CNTNAP2: variants seen among roughly 807,000 people sequenced by gnomAD.
The protein encoded by CNTNAP2 is contactin-associated protein-like 2.
Under a neutral mutation model 155.2 loss-of-function variants are expected in CNTNAP2, and 98 were observed. The observed-to-expected ratio is 0.63, with a 90% CI of 0.54 to 0.75. The LOEUF is 0.75. Among genes scored for constraint, CNTNAP2 ranks in the 30% least tolerant of loss-of-function variants. CNTNAP2 has a pLI of 0.00. For missense variants in CNTNAP2, 1,727 were observed against 1,688.1 expected (o/e 1.02, Z -0.40); for synonymous variants, 651 against 631.2 (o/e 1.03, Z -0.47).
At chr7:147,614,148 G>T in intron 12 of CNTNAP2, among the ~76,000 whole-genome samples, 1 of 152,048 alleles carries the variant, frequency 6.6e-6, no homozygotes, top group Non-Finnish European at 1.5e-5. Context: ...ATTCTTGATA[G>T]GCCAATTGTC....
rs150802257 is a variant in CNTNAP2 at position 146,984,639 on chromosome 7, C to T, written c.403-59268C>T. Among the ~76,000 whole-genome samples, 363 of 152,224 alleles carry T rather than the reference C, an allele frequency of 2.4e-3. 1 individual carries two copies. Among genetic ancestry groups the T allele is most frequent in the African/African-American group, 7.5e-3 (312 of 41,548 alleles). The stretch of plus-strand genomic sequence containing the variant: ...GAGGGGCTGGTGTCCTACATCTCCA[C>T]GGCAAGGATTTCGCCCTTCTCCCAA... On this transcript the variant is annotated intron_variant, in intron 3 of 23. Coordinates refer to ENST00000361727, the MANE Select transcript of CNTNAP2 (RefSeq NM_014141.6).
chr7:148,169,778 G>A (rs1048587769), intron 17 of CNTNAP2, among the ~76,000 whole-genome samples: 1 of 152,148 alleles, frequency 6.6e-6, no homozygotes, highest in African/African-American at 2.4e-5. Flanking sequence ...TGGTTAACAT[G>A]GTGAAACCCC....
chr7:147,542,180 C>T (rs1389901912), intron 11 of CNTNAP2, among the ~76,000 whole-genome samples: 1 of 152,134 alleles, frequency 6.6e-6, no homozygotes, highest in Non-Finnish European at 1.5e-5. Flanking sequence ...CTAAACTCTC[C>T]ACTTATCATG....
chr7:148,278,663 T>C (rs1796921943), intron 21 of CNTNAP2, among the ~76,000 whole-genome samples: 1 of 151,866 alleles, frequency 6.6e-6, no homozygotes, highest in South Asian at 2.1e-4. Flanking sequence ...TACCAGGTGC[T>C]AGGCACAGAA....
intron 1 of CNTNAP2, among the ~76,000 whole-genome samples, chr7:146,424,161 ACTCAGTGGGATTCATCTGC>A (rs1384258467): frequency 6.6e-6 from 1 of 152,190 alleles, no homozygotes; most frequent in Non-Finnish European, 1.5e-5. Flanking sequence ...GAACAGCTGT[ACTCAGTGGGATTCATCTGC>A]CTCGAATTCT....
intron 9 of CNTNAP2, among the ~76,000 whole-genome samples, chr7:147,362,001 A>T (rs1796155543): frequency 6.6e-6 from 1 of 152,176 alleles, no homozygotes; most frequent in Non-Finnish European, 1.5e-5. Context: ...AAGGTGAAGG[A>T]TGCATTCGGC....
At chr7:147,402,389 A>G (rs781261505) in intron 10 of CNTNAP2, among the ~76,000 whole-genome samples, 2 of 152,280 alleles carry the variant, frequency 1.3e-5, no homozygotes, top group African/African-American at 2.4e-5. Flanking sequence ...TGTCATGACA[A>G]CTGCTCCTTC....
At chr7:148,342,025 G>C (rs1361986977) in intron 21 of CNTNAP2, among the ~76,000 whole-genome samples, 10 of 152,216 alleles carry the variant, frequency 6.6e-5, no homozygotes, top group African/African-American at 2.2e-4. Context: ...CAACGCATCT[G>C]AAAGAGAAGA....
At chr7:147,508,584 C>A (rs937250856) in intron 11 of CNTNAP2, among the ~76,000 whole-genome samples, 2 of 152,108 alleles carry the variant, frequency 1.3e-5, no homozygotes, top group African/African-American at 4.8e-5. Flanking sequence ...AGGTTAAATC[C>A]GGATATTCTT....
At chr7:147,982,792 C>G (rs1247468622) in intron 15 of CNTNAP2, among the ~76,000 whole-genome samples, 1 of 151,932 alleles carries the variant, frequency 6.6e-6, no homozygotes, top group Non-Finnish European at 1.5e-5. Context: ...CCGAGGCAGG[C>G]AGATCACTTG....
At chr7:148,182,303 T>G (rs1795052495) in intron 18 of CNTNAP2, among the ~76,000 whole-genome samples, 1 of 144,914 alleles carries the variant, frequency 6.9e-6, no homozygotes, top group Non-Finnish European at 1.5e-5. Flanking sequence ...AAGGAACTGG[T>G]CTGATAAATT....
intron 21 of CNTNAP2, among the ~76,000 whole-genome samples, chr7:148,294,427 A>G (rs986339566): frequency 6.6e-6 from 1 of 152,248 alleles, no homozygotes; most frequent in Non-Finnish European, 1.5e-5. Context: ...TCTAGTTATC[A>G]GTTTTGGAAA....
chr7:146,676,864 C>T (rs1265941239), intron 1 of CNTNAP2, among the ~76,000 whole-genome samples: 5 of 152,156 alleles, frequency 3.3e-5, no homozygotes, highest in Non-Finnish European at 5.9e-5. Flanking sequence ...TACTGGGTCC[C>T]TCCCACAACA....
chr7:146,126,196 A>C (rs1797634704), intron 1 of CNTNAP2, among the ~76,000 whole-genome samples: 2 of 152,162 alleles, frequency 1.3e-5, no homozygotes, highest in African/African-American at 4.8e-5. Context: ...CTCTGTGTTC[A>C]AGTTCTCTAA....
At chr7:147,441,836 T>TCTCTCTCTCTCTCTCTCTCTCTCC (rs1797641638) in intron 10 of CNTNAP2, among the ~76,000 whole-genome samples, 1 of 146,432 alleles carries the variant, frequency 6.8e-6, no homozygotes, top group African/African-American at 2.5e-5. Flanking sequence ...TCTCTCTCTC[T>TCTCTCTCTCTCTCTCTCTCTCTCC]CTCTCTCTCT....
intron 15 of CNTNAP2, among the ~76,000 whole-genome samples, chr7:148,042,453 C>T (rs1306190138): frequency 6.6e-6 from 1 of 152,154 alleles, no homozygotes. Flanking sequence ...GTTAGCATCA[C>T]GGCCCCTTTT....
intron 5 of CNTNAP2, among the ~76,000 whole-genome samples, chr7:147,110,559 T>G (rs1800854403): frequency 6.6e-6 from 1 of 152,134 alleles, no homozygotes; most frequent in East Asian, 1.9e-4. Context: ...CCATGTGTGT[T>G]GTTCCTCTCT....
Position 148,076,268 on chromosome 7 carries a change from C to A in CNTNAP2, c.2384-41850C>A, listed in dbSNP as rs10241153. Among the ~76,000 whole-genome samples the A allele has an allele frequency of 0.027, 4,052 of 151,940 alleles. 272 individuals carry two copies. The East Asian group carries it at 0.28, about 10-fold the overall frequency. On this transcript the variant is annotated intron_variant, in intron 15 of 23. Coordinates refer to ENST00000361727, the MANE Select transcript of CNTNAP2 (RefSeq NM_014141.6). ...ATGACTGGAGATATTTTTACTTGGG[C>A]ATGTTGTTGATATCTAGAGAGTAGA...
At chr7:146,603,492 A>G (rs2129152341) in intron 1 of CNTNAP2, among the ~76,000 whole-genome samples, 1 of 150,456 alleles carries the variant, frequency 6.6e-6, no homozygotes, top group Non-Finnish European at 1.5e-5. Flanking sequence ...AAATGGCCAT[A>G]CTGCCCAAGG....
Sources: gnomAD v4.1 joint callset for allele counts (sites outside exome capture counted in the v4.1 genomes callset) on GRCh38, gnomAD v4.1.1 for gene constraint, MANE v1.5 for transcripts, NCBI Gene and HGNC (gene_info 2026-07-23, HGNC 2026-07-21) for gene names.